Variants in MAPK4 observed in about 807,000 individuals in gnomAD.
The protein encoded by MAPK4 is mitogen-activated protein kinase 4.
A neutral mutation model predicts 47.7 loss-of-function variants in MAPK4; 22 were observed. That is an observed-to-expected ratio of 0.46 (90% CI 0.33 to 0.66). MAPK4 has a LOEUF of 0.66. Among genes scored for constraint, MAPK4 ranks in the 30% least tolerant of loss-of-function variants. The pLI, the probability that MAPK4 is intolerant of heterozygous loss-of-function variation, is 0.02. For synonymous variants in MAPK4, 390 were observed against 365.7 expected (o/e 1.07, Z -0.76); for missense variants, 736 against 831.7 (o/e 0.88, Z 1.42).
In MAPK4 at chr18:50,664,338, AG is replaced by A; in HGVS notation, c.381del (p.Lys127AsnfsTer24). The A allele has an allele frequency of 6.2e-7, 1 of 1,613,904 alleles. No homozygotes were observed. The highest frequency in any genetic ancestry group is 8.5e-7 in the Non-Finnish European group (1 of 1,180,010). ...GGCACGCTGGCAGAAGAGCATGCCAAGCTGTTCATGTACCAGCTGCTCCGCG... is the reference window on the plus strand; with the variant it reads ...GGCACGCTGGCAGAAGAGCATGCCAACTGTTCATGTACCAGCTGCTCCGCG... The part of the protein sequence containing the change: ...EQGTLAEEHA[K>X]LFMYQLLRGL... On this transcript the variant is annotated frameshift_variant, in exon 2 of 6. Transcript: ENST00000400384. LOFTEE classifies it high-confidence loss of function. The surrounding 1 kb of genome is among the most constrained non-coding windows in gnomAD (Gnocchi z 6.0).
Position 50,567,971 on chromosome 18 carries a change from C to T in MAPK4, c.-871+7728C>T, listed in dbSNP as rs531969862. 3.0e-3 allele frequency among the ~76,000 whole-genome samples: 458 copies of T among 151,970 alleles called. 1 individual carries two copies. Among genetic ancestry groups the T allele is most frequent in the African/African-American group, 0.01 (423 of 41,456 alleles). On this transcript the variant is annotated intron_variant, in intron 1 of 5. Coordinates refer to ENST00000400384, the MANE Select transcript of MAPK4 (RefSeq NM_002747.4). ...CAGCACTTTGGGAGGCCGAGGCAGG[C>T]TGATCATGAGGTCAGGCGATCGAGA...
At chr18:50,616,454 GGGTTCTCTAA>G (rs2042685475) in intron 1 of MAPK4, among the ~76,000 whole-genome samples, 1 of 152,144 alleles carries the variant, frequency 6.6e-6, no homozygotes, top group South Asian at 2.1e-4. Flanking sequence ...GCTTGTATTA[GGGTTCTCTAA>G]AGGGACAAAA....
intron 3 of MAPK4, among the ~76,000 whole-genome samples, 180 bp from the exon 4 acceptor site, chr18:50,721,758 A>T (rs1261438912): frequency 6.6e-6 from 1 of 152,210 alleles, no homozygotes; most frequent in African/African-American, 2.4e-5. Flanking sequence ...GCCAAGCCCC[A>T]GAGATGTCAG....
chr18:50,606,943 A>G, intron 1 of MAPK4, among the ~76,000 whole-genome samples: 1 of 152,214 alleles, frequency 6.6e-6, no homozygotes, highest in East Asian at 1.9e-4. Context: ...CTGGGACCCC[A>G]AGTGACTACG....
chr18:50,698,517 A>G (rs1909622041), intron 2 of MAPK4, among the ~76,000 whole-genome samples: 1 of 152,188 alleles, frequency 6.6e-6, no homozygotes, highest in Non-Finnish European at 1.5e-5. Flanking sequence ...AGTAGCTAAA[A>G]CTTCTCAGAA....
At chr18:50,646,391 G>A (rs2042989545) in intron 1 of MAPK4, among the ~76,000 whole-genome samples, 1 of 152,136 alleles carries the variant, frequency 6.6e-6, no homozygotes, top group African/African-American at 2.4e-5. Context: ...TTTTCTGGTG[G>A]TCAGAGTGAC....
chr18:50,634,141 C>T (rs1490152709), intron 1 of MAPK4, among the ~76,000 whole-genome samples: 3 of 152,064 alleles, frequency 2.0e-5, no homozygotes, highest in Admixed American at 1.3e-4. Flanking sequence ...CAATGAAAAC[C>T]GGTGCCTCCC....
At chr18:50,615,598 G>C (rs1329704398) in intron 1 of MAPK4, among the ~76,000 whole-genome samples, 1 of 152,188 alleles carries the variant, frequency 6.6e-6, no homozygotes, top group East Asian at 1.9e-4. Flanking sequence ...GCTGAGAGAT[G>C]GAGTTTTCCA....
intron 2 of MAPK4, chr18:50,704,814 T>C (rs1161859242): frequency 2.5e-6 from 1 of 398,616 alleles, no homozygotes; most frequent in East Asian, 3.6e-5. Flanking sequence ...GCAGCCATCC[T>C]GGGAGAGCAT....
intron 1 of MAPK4, among the ~76,000 whole-genome samples, chr18:50,637,574 T>A (rs1461710865): frequency 2.0e-5 from 3 of 152,254 alleles, no homozygotes; most frequent in Admixed American, 6.5e-5. Context: ...AGGCTACTTC[T>A]ATGCACCTGT....
Position 50,650,450 on chromosome 18 carries a change from C to A in MAPK4, c.-870-12639C>A, listed in dbSNP as rs768341179. 2.6e-5 allele frequency among the ~76,000 whole-genome samples: 4 copies of A among 152,190 alleles called. No individual in the cohort carries two copies. The East Asian group carries it at 7.7e-4, about 29-fold the overall frequency. On this transcript the variant is annotated intron_variant, in intron 1 of 5. Coordinates refer to ENST00000400384, the MANE Select transcript of MAPK4 (RefSeq NM_002747.4). ...GGATCCTGAGTGTTTTGTTTCCCACCGATGCATGTGGGCATGAGACTGTCC... is the reference window on the plus strand; with the variant it reads ...GGATCCTGAGTGTTTTGTTTCCCACAGATGCATGTGGGCATGAGACTGTCC...
chr18:50,697,848 T>C (rs1397028233), intron 2 of MAPK4, among the ~76,000 whole-genome samples: 2 of 152,180 alleles, frequency 1.3e-5, no homozygotes, highest in Non-Finnish European at 2.9e-5. Context: ...TATCAGCTGC[T>C]CCTTAGGGCC....
chr18:50,586,950 A>G (rs2042394449), intron 1 of MAPK4, among the ~76,000 whole-genome samples: 1 of 152,146 alleles, frequency 6.6e-6, no homozygotes, highest in Admixed American at 6.5e-5. Flanking sequence ...TTTTAGAGGG[A>G]TGAATTTTTT....
At chr18:50,675,782 G>A (rs552102092) in intron 2 of MAPK4, among the ~76,000 whole-genome samples, 22 of 152,132 alleles carry the variant, frequency 1.4e-4, no homozygotes, top group Admixed American at 1.2e-3. Flanking sequence ...GAGCCACCAC[G>A]CCCAGCCCAT....
intron 2 of MAPK4, among the ~76,000 whole-genome samples, chr18:50,666,370 T>G (rs1907602269): frequency 6.6e-6 from 1 of 152,226 alleles, no homozygotes; most frequent in South Asian, 2.1e-4. Flanking sequence ...ATAATAATTG[T>G]GCTCTGTCTG....
At chr18:50,604,618 G>A (rs1357267565) in intron 1 of MAPK4, among the ~76,000 whole-genome samples, 1 of 152,216 alleles carries the variant, frequency 6.6e-6, no homozygotes, top group African/African-American at 2.4e-5. Context: ...AAATAAAGCA[G>A]CCCCTTTTCT....
chr18:50,658,471 G>A (rs2043135038), intron 1 of MAPK4, among the ~76,000 whole-genome samples: 1 of 152,202 alleles, frequency 6.6e-6, no homozygotes, highest in Non-Finnish European at 1.5e-5. Context: ...GCTCCATGGA[G>A]GACGATATCA....
intron 1 of MAPK4, among the ~76,000 whole-genome samples, chr18:50,574,751 C>T (rs887857508): frequency 2.6e-5 from 4 of 152,224 alleles, no homozygotes; most frequent in Non-Finnish European, 5.9e-5. Flanking sequence ...CCTTTTAAAG[C>T]AAACCTGCTA....
chr18:50,722,743 A>G (rs1911000633), intron 4 of MAPK4, among the ~76,000 whole-genome samples: 1 of 152,200 alleles, frequency 6.6e-6, no homozygotes. Flanking sequence ...CAGGACAGAA[A>G]TAGACCAAAG....
Sources: allele counts gnomAD v4.1 joint callset (sites outside exome capture counted in the v4.1 genomes callset), GRCh38; gene constraint gnomAD v4.1.1; non-coding constraint Gnocchi (gnomAD v3.1); transcripts MANE v1.5; gene names NCBI Gene and HGNC (gene_info 2026-07-23, HGNC 2026-07-21).